Variants in STXBP6 observed in about 807,000 individuals in gnomAD.
STXBP6 encodes the protein syntaxin binding protein 6, also known as syntaxin-binding protein 6.
Under a neutral mutation model 26.9 loss-of-function variants are expected in STXBP6, and 21 were observed. That is an observed-to-expected ratio of 0.78 (90% confidence interval 0.55 to 1.12). The LOEUF is 1.12. Among genes scored for constraint, STXBP6 ranks in the 50% most tolerant of loss-of-function variants. The pLI, the probability that STXBP6 is intolerant of heterozygous loss-of-function variation, is 0.00. For missense variants in STXBP6, 232 were observed against 257.9 expected, an observed-to-expected ratio of 0.90 and a Z score of 0.69; for synonymous variants, 97 against 92.6, an observed-to-expected ratio of 1.05 and a Z score of -0.27.
intron 1 of STXBP6, among the ~76,000 whole-genome samples, chr14:25,042,101 T>A (rs1208325081): frequency 2.6e-5 from 4 of 152,238 alleles, no homozygotes; most frequent in Non-Finnish European, 5.9e-5. Context: ...ATCAACTTAA[T>A]TGAAATGTAA....
intron 2 of STXBP6, among the ~76,000 whole-genome samples, chr14:24,868,554 T>C (rs1050791323): frequency 6.6e-6 from 1 of 152,158 alleles, no homozygotes; most frequent in Non-Finnish European, 1.5e-5. Flanking sequence ...GGTATATCTA[T>C]ACATGGAGTC....
At chr14:24,815,316 A>G (rs2067939176) in intron 5 of STXBP6, among the ~76,000 whole-genome samples, 1 of 152,110 alleles carries the variant, frequency 6.6e-6, no homozygotes, top group Non-Finnish European at 1.5e-5. Flanking sequence ...TATCTCATGG[A>G]AAGAGTTCTC....
At chr14:24,853,222 A>G (rs2069215840) in intron 4 of STXBP6, among the ~76,000 whole-genome samples, 1 of 152,104 alleles carries the variant, frequency 6.6e-6, no homozygotes, top group Admixed American at 6.6e-5. Context: ...TGTGGAAGAT[A>G]CCCAAAAGTT....
intron 2 of STXBP6, among the ~76,000 whole-genome samples, chr14:24,969,147 T>C (rs1272471894): frequency 3.9e-5 from 6 of 152,222 alleles, no homozygotes; most frequent in Non-Finnish European, 7.3e-5. Context: ...TTCAGAACTT[T>C]TTCCTAAAGA....
intron 2 of STXBP6, among the ~76,000 whole-genome samples, chr14:24,888,420 T>G (rs184509035): frequency 1.2e-4 from 19 of 152,166 alleles, no homozygotes; most frequent in Non-Finnish European, 1.3e-4. Context: ...AGGGGTGAGA[T>G]AGAGCTAAGA....
intron 4 of STXBP6, among the ~76,000 whole-genome samples, chr14:24,822,270 C>T (rs1220344856): frequency 6.6e-6 from 1 of 152,110 alleles, no homozygotes; most frequent in Non-Finnish European, 1.5e-5. Context: ...AGACACCTTC[C>T]TCACTTTTAT....
intron 1 of STXBP6, among the ~76,000 whole-genome samples, chr14:25,028,168 C>G (rs2075383131): frequency 6.6e-6 from 1 of 152,188 alleles, no homozygotes; most frequent in African/African-American, 2.4e-5. Context: ...TTAAGGTTAT[C>G]AGCTACACCA....
chr14:25,042,595 TTAATG>T (rs1342196046), intron 1 of STXBP6, among the ~76,000 whole-genome samples: 2 of 152,184 alleles, frequency 1.3e-5, no homozygotes, highest in Non-Finnish European at 2.9e-5. Context: ...CACGCACACG[TTAATG>T]GTAGAGCTAT....
intron 1 of STXBP6, among the ~76,000 whole-genome samples, chr14:25,032,662 A>C (rs1448353746): frequency 6.6e-6 from 1 of 152,224 alleles, no homozygotes; most frequent in Non-Finnish European, 1.5e-5. Context: ...CAACAGGAGA[A>C]CATAAGAACA....
chr14:24,931,442 A>G (rs2072405198), intron 2 of STXBP6, among the ~76,000 whole-genome samples: 1 of 152,154 alleles, frequency 6.6e-6, no homozygotes, highest in Admixed American at 6.5e-5. Context: ...AAATGTTGAG[A>G]GTTGTTACTC....
chr14:24,844,721 C>G (rs1012163541), intron 4 of STXBP6, among the ~76,000 whole-genome samples: 1 of 152,134 alleles, frequency 6.6e-6, no homozygotes, highest in African/African-American at 2.4e-5. Flanking sequence ...AACATGGAAA[C>G]TGCATTTCAG....
intron 2 of STXBP6, among the ~76,000 whole-genome samples, chr14:24,952,975 G>A (rs771578585): frequency 6.6e-6 from 1 of 152,110 alleles, no homozygotes; most frequent in Non-Finnish European, 1.5e-5. Context: ...CATTTCTATT[G>A]TGTTTCTGAT....
At chr14:24,880,235 CTTAG>C (rs2139418919) in intron 2 of STXBP6, among the ~76,000 whole-genome samples, 1 of 152,144 alleles carries the variant, frequency 6.6e-6, no homozygotes, top group African/African-American at 2.4e-5. Context: ...GGAAAGTTTC[CTTAG>C]TTAGGCACCA....
At chr14:24,920,698 C>T (rs956937433) in intron 2 of STXBP6, among the ~76,000 whole-genome samples, 2 of 152,018 alleles carry the variant, frequency 1.3e-5, no homozygotes, top group African/African-American at 4.8e-5. Flanking sequence ...TCAGCTGCCC[C>T]CATTTCCAAC....
intron 2 of STXBP6, among the ~76,000 whole-genome samples, chr14:24,937,612 A>C (rs143419583): frequency 6.6e-6 from 1 of 150,916 alleles, no homozygotes; most frequent in East Asian, 2.0e-4. Context: ...TTAAAATGTA[A>C]AACACATATA....
intron 2 of STXBP6, among the ~76,000 whole-genome samples, chr14:24,956,429 T>C (rs955237763): frequency 2.0e-5 from 3 of 152,200 alleles, no homozygotes; most frequent in Admixed American, 1.3e-4. Flanking sequence ...TGTCATTCGT[T>C]TGCATAAAAA....
intron 2 of STXBP6, among the ~76,000 whole-genome samples, chr14:24,892,008 A>C (rs8006871): frequency 1.3e-5 from 2 of 152,148 alleles, no homozygotes; most frequent in African/African-American, 4.8e-5. Context: ...TCCCTTTATA[A>C]ATGTTCCTGG....
intron 1 of STXBP6, among the ~76,000 whole-genome samples, chr14:25,003,531 C>T (rs1397362132): frequency 6.6e-6 from 1 of 152,150 alleles, no homozygotes; most frequent in Non-Finnish European, 1.5e-5. Context: ...AAGGTACAAA[C>T]CTAGCTACCG....
At chr14:24,879,960 A>G (rs1022146862) in intron 2 of STXBP6, among the ~76,000 whole-genome samples, 1 of 152,044 alleles carries the variant, frequency 6.6e-6, no homozygotes, top group African/African-American at 2.4e-5. Flanking sequence ...GCTCCTTTCT[A>G]TCCTCTTGGT....
Sources: allele counts gnomAD v4.1 joint callset (sites outside exome capture counted in the v4.1 genomes callset), GRCh38; gene constraint gnomAD v4.1.1; transcripts MANE v1.5; gene names NCBI Gene and HGNC (gene_info 2026-07-23, HGNC 2026-07-21).